ATP10D: variants seen among roughly 807,000 people sequenced by gnomAD.
ATP10D encodes the protein ATPase phospholipid transporting 10D (putative).
Under a neutral mutation model 144.8 loss-of-function variants are expected in ATP10D, and 89 were observed. The ratio of observed to expected loss-of-function variants is 0.61; its 90% CI spans 0.52 to 0.73. ATP10D has a LOEUF of 0.73. Ranked by LOEUF, ATP10D falls within the 30% of genes least tolerant of loss-of-function variation. ATP10D has a pLI of 0.00. For synonymous variants in ATP10D, 571 were observed against 615.1 expected (o/e 0.93, Z 1.06); for missense variants, 1,603 against 1,714.8 (o/e 0.93, Z 1.15).
At chr4:47,583,979 A>G (rs1004406132) in intron 21 of ATP10D, among the ~76,000 whole-genome samples, 1 of 152,056 alleles carries the variant, frequency 6.6e-6, no homozygotes, top group East Asian at 1.9e-4. Flanking sequence ...ATGGAATCCT[A>G]TTTCCCTAGC....
intron 1 of ATP10D, among the ~76,000 whole-genome samples, chr4:47,509,751 A>G (rs1432061588): frequency 6.6e-6 from 1 of 152,182 alleles, no homozygotes; most frequent in Non-Finnish European, 1.5e-5. Context: ...ATTTCCATGT[A>G]TAATTTCAGC....
chr4:47,521,195 A>G (rs1489098968), intron 3 of ATP10D, among the ~76,000 whole-genome samples: 3 of 152,050 alleles, frequency 2.0e-5, no homozygotes, highest in Non-Finnish European at 4.4e-5. Context: ...CCAAATCTTT[A>G]CTCATGATCT....
chr4:47,513,824 G>A (rs1203425050), intron 2 of ATP10D, among the ~76,000 whole-genome samples: 3 of 152,206 alleles, frequency 2.0e-5, no homozygotes, highest in Admixed American at 2.0e-4. Flanking sequence ...TATGGAAGCA[G>A]TGTGGTGGGT....
intron 1 of ATP10D, among the ~76,000 whole-genome samples, chr4:47,491,935 T>A (rs1394181045): frequency 6.6e-6 from 1 of 152,214 alleles, no homozygotes; most frequent in Non-Finnish European, 1.5e-5. Flanking sequence ...ATACTTGACC[T>A]GTTCTGGGGC....
At chr4:47,576,582 A>G (rs754899475) in intron 18 of ATP10D, among the ~76,000 whole-genome samples, 191 bp from the exon 19 acceptor site, 1 of 152,214 alleles carries the variant, frequency 6.6e-6, no homozygotes, top group Non-Finnish European at 1.5e-5. Context: ...GTGTGTGTAC[A>G]TACATGTGTG....
chr4:47,520,693 C>A (rs760777141), intron 3 of ATP10D, among the ~76,000 whole-genome samples: 1 of 151,974 alleles, frequency 6.6e-6, no homozygotes, highest in African/African-American at 2.4e-5. Context: ...CTCAGCCTCC[C>A]GAGTAGCTGG....
In ATP10D at chr4:47,572,084, T is replaced by C. The variant is rs1719980522; in HGVS notation, c.3164-70T>C. ...TATTTGTTCACTTGAGCTGCCCCTA[T>C]TGATTTGCAACATTTACACCCTTTC... On this transcript the variant is annotated intron_variant, in intron 16 of 22. Coordinates refer to ENST00000273859, the MANE Select transcript of ATP10D (RefSeq NM_020453.4). The C allele has an allele frequency of 2.9e-6, 4 of 1,390,506 alleles. No homozygotes were observed. The Admixed American group carries it at 5.0e-5, about 18-fold the overall frequency. The allele number at this position is 1,390,506 out of a possible 1,614,324, so 86.1% of individuals were successfully genotyped here.
chr4:47,580,374 C>T, intron 19 of ATP10D, 24 bp from the exon 20 acceptor site: 1 of 1,575,562 alleles, frequency 6.3e-7, no homozygotes, highest in Non-Finnish European at 8.7e-7. Context: ...CTTACTACCT[C>T]CCCGTTATCT....
chr4:47,589,666 G>A (rs991880339), intron 22 of ATP10D, among the ~76,000 whole-genome samples: 1 of 151,954 alleles, frequency 6.6e-6, no homozygotes, highest in Admixed American at 6.6e-5. Flanking sequence ...CATTGACCTG[G>A]CTAGGGAAGC....
chr4:47,504,203 C>A (rs1021538942), intron 1 of ATP10D, among the ~76,000 whole-genome samples: 2 of 152,184 alleles, frequency 1.3e-5, no homozygotes, highest in Non-Finnish European at 2.9e-5. Context: ...CTTGTCATCA[C>A]AAAAGCCCAT....
rs1344047708 is a variant in ATP10D, at chr4:47,557,818, T to C, written c.1979T>C (p.Leu660Pro). ...SGVPNAFVSR[L>P]PLFSRMKPAS... ...GTTCCAAACGCCTTTGTGAGCAGAC[T>C]CCCTCTCTTTAGTCGAATGAAACCA... The change falls in exon 12 of 23, where the codon CTC becomes CCC. Residue 660 changes from leucine (L) to proline (P), a missense_variant. Physicochemically the swap from Leu to Pro is moderately conservative, Grantham distance 98. Transcript: ENST00000273859. The C allele has an allele frequency of 1.2e-6, 2 of 1,614,174 alleles. No individual in the cohort carries two copies. Among genetic ancestry groups the C allele is most frequent in the East Asian group, 2.2e-5 (1 of 44,876 alleles).
At chr4:47,565,592 G>T (rs533582410) in intron 15 of ATP10D, among the ~76,000 whole-genome samples, 13 of 152,162 alleles carry the variant, frequency 8.5e-5, no homozygotes, top group African/African-American at 3.1e-4. Flanking sequence ...GTTTAATGGG[G>T]TTTTTGTGAG....
chr4:47,531,500 G>T (rs1002314818), intron 5 of ATP10D, among the ~76,000 whole-genome samples: 5 of 152,204 alleles, frequency 3.3e-5, no homozygotes, highest in Non-Finnish European at 4.4e-5. Flanking sequence ...GGCAGATCAT[G>T]AAGAGGCCAG....
intron 1 of ATP10D, among the ~76,000 whole-genome samples, chr4:47,488,020 A>C (rs1176255094): frequency 6.6e-6 from 1 of 152,200 alleles, no homozygotes; most frequent in Non-Finnish European, 1.5e-5. Flanking sequence ...CCTTTGACTA[A>C]GTGATCTTGG....
chr4:47,493,293 T>C (rs760282911), intron 1 of ATP10D, among the ~76,000 whole-genome samples: 2 of 152,248 alleles, frequency 1.3e-5, no homozygotes, highest in Non-Finnish European at 2.9e-5. Context: ...ACACAATCCC[T>C]GACTTATGAT....
intron 12 of ATP10D, 114 bp from the exon 13 acceptor site, chr4:47,558,809 C>T: frequency 1.2e-6 from 1 of 832,130 alleles, no homozygotes; most frequent in Non-Finnish European, 1.9e-6. Flanking sequence ...GATTCAAAAC[C>T]AGAAGGCTTT....
chr4:47,539,803 A>G (rs1718039157), intron 9 of ATP10D, among the ~76,000 whole-genome samples: 1 of 152,202 alleles, frequency 6.6e-6, no homozygotes, highest in African/African-American at 2.4e-5. Flanking sequence ...TTGTATTTAT[A>G]ACACAAAATT....
intron 1 of ATP10D, among the ~76,000 whole-genome samples, chr4:47,490,730 T>C (rs1715025766): frequency 6.6e-6 from 1 of 152,220 alleles, no homozygotes; most frequent in South Asian, 2.1e-4. Flanking sequence ...TGCCAGATTG[T>C]TGTGTTGCCC....
chr4:47,501,909 C>T (rs6447562), intron 1 of ATP10D, among the ~76,000 whole-genome samples: 50,725 of 151,966 alleles, frequency 0.33, 8,864 homozygotes, highest in East Asian at 0.66. Flanking sequence ...ATTTCAATAA[C>T]GTATTATTTT....
Sources: gnomAD v4.1 joint callset for allele counts (sites outside exome capture counted in the v4.1 genomes callset) on GRCh38, gnomAD v4.1.1 for gene constraint, MANE v1.5 for transcripts, NCBI Gene and HGNC (gene_info 2026-07-23, HGNC 2026-07-21) for gene names.